RIMS1: variants seen among roughly 807,000 people sequenced by gnomAD.
The protein encoded by RIMS1 is regulating synaptic membrane exocytosis 1.
Under a neutral mutation model 214.1 loss-of-function variants are expected in RIMS1, and 83 were observed. The ratio of observed to expected loss-of-function variants is 0.39; its 90% CI spans 0.32 to 0.47. The LOEUF (loss-of-function observed/expected upper bound fraction) is 0.47. Among genes scored for constraint, RIMS1 ranks in the 20% least tolerant of loss-of-function variants. The pLI is 0.99. For synonymous variants in RIMS1, 793 were observed against 786.8 expected, an observed-to-expected ratio of 1.01 and a Z score of -0.13; for missense variants, 2,050 against 2,161.8, an observed-to-expected ratio of 0.95 and a Z score of 1.03.
chr6:72,187,098 C>G (rs1297758424), intron 6 of RIMS1, among the ~76,000 whole-genome samples: 18 of 151,696 alleles, frequency 1.2e-4, no homozygotes, highest in Admixed American at 1.2e-3. Flanking sequence ...TGCACTCCAG[C>G]CTGGGCGATA....
intron 4 of RIMS1, among the ~76,000 whole-genome samples, chr6:72,173,105 A>G (rs571206712): frequency 5.3e-5 from 8 of 152,280 alleles, no homozygotes; most frequent in South Asian, 2.1e-4. Context: ...GTTTACCTAT[A>G]TATAAAATTT....
intron 4 of RIMS1, among the ~76,000 whole-genome samples, chr6:72,128,060 CT>C (rs1460845149): frequency 6.6e-6 from 1 of 152,118 alleles, no homozygotes; most frequent in African/African-American, 2.4e-5. Flanking sequence ...TTCTCCTATC[CT>C]TATGACAAGA....
chr6:72,107,138 T>A (rs1474212679), intron 4 of RIMS1, among the ~76,000 whole-genome samples: 1 of 152,190 alleles, frequency 6.6e-6, no homozygotes, highest in Non-Finnish European at 1.5e-5. Context: ...CACTTCATCA[T>A]TATCACAGAT....
At chr6:72,296,617 C>T (rs1569720) in intron 26 of RIMS1, among the ~76,000 whole-genome samples, 1 of 151,630 alleles carries the variant, frequency 6.6e-6, no homozygotes, top group Non-Finnish European at 1.5e-5. Flanking sequence ...TTCAGAGTTG[C>T]TGTTGGCCTG....
intron 1 of RIMS1, among the ~76,000 whole-genome samples, chr6:71,902,686 G>T (rs745926063): frequency 6.6e-6 from 1 of 151,748 alleles, no homozygotes; most frequent in Non-Finnish European, 1.5e-5. Flanking sequence ...TCCCTCCCCT[G>T]CCCCCGACAG....
rs751790957 is a variant in RIMS1 at position 72,233,924 on chromosome 6, CTAT to C, written c.1746+89_1746+91del. ...CTTTGTCTGATATGTGATATCTGCT[CTAT>C]TATTCATTTGGTAAGGGCAAATATT... On this transcript the variant is annotated intron_variant, in intron 7 of 33. Coordinates refer to ENST00000521978, the MANE Select transcript of RIMS1 (RefSeq NM_014989.7). The C allele has an allele frequency of 1.1e-4, 98 of 862,744 alleles. 1 individual carries two copies. Among genetic ancestry groups the C allele is most frequent in the Non-Finnish European group, 1.7e-4 (89 of 532,088 alleles). The allele number at this position is 862,744 out of a possible 1,614,324, so 53.4% of individuals were successfully genotyped here.
chr6:71,978,406 T>C (rs1338990073), intron 2 of RIMS1, among the ~76,000 whole-genome samples: 2 of 152,126 alleles, frequency 1.3e-5, no homozygotes, highest in African/African-American at 2.4e-5. Context: ...TTTAAACTTA[T>C]TTAAAATTTT....
At chr6:72,114,429 C>A (rs2036678727) in intron 4 of RIMS1, among the ~76,000 whole-genome samples, 1 of 151,878 alleles carries the variant, frequency 6.6e-6, no homozygotes, top group African/African-American at 2.4e-5. Flanking sequence ...AGGGCACATA[C>A]CTCAGAGCTC....
At chr6:72,186,142 C>T (rs959034777) in intron 6 of RIMS1, among the ~76,000 whole-genome samples, 5 of 152,372 alleles carry the variant, frequency 3.3e-5, no homozygotes, top group South Asian at 2.1e-4. Context: ...TTAAGGTTTT[C>T]TGGAGTCAAA....
chr6:72,062,056 A>C (rs904584772), intron 2 of RIMS1, among the ~76,000 whole-genome samples: 1 of 152,258 alleles, frequency 6.6e-6, no homozygotes, highest in African/African-American at 2.4e-5. Context: ...GGACAGAGGA[A>C]TATAGCCTGC....
intron 1 of RIMS1, among the ~76,000 whole-genome samples, chr6:71,891,167 T>TA (rs1769742419): frequency 6.6e-6 from 1 of 152,150 alleles, no homozygotes; most frequent in African/African-American, 2.4e-5. Flanking sequence ...TAGAAGGTAA[T>TA]AAAAAGCATC....
At chr6:72,127,641 T>C (rs980371026) in intron 4 of RIMS1, among the ~76,000 whole-genome samples, 11 of 152,200 alleles carry the variant, frequency 7.2e-5, no homozygotes, top group Non-Finnish European at 5.9e-5. Flanking sequence ...TTCTGTGCCT[T>C]ACTTGAAGCA....
intron 2 of RIMS1, among the ~76,000 whole-genome samples, chr6:72,036,576 A>G (rs1819681482): frequency 6.6e-6 from 1 of 152,192 alleles, no homozygotes; most frequent in East Asian, 1.9e-4. Context: ...TGAGTCTAAA[A>G]TAAATCTAAT....
chr6:71,997,042 A>G (rs1273187565), intron 2 of RIMS1, among the ~76,000 whole-genome samples: 1 of 152,140 alleles, frequency 6.6e-6, no homozygotes, highest in Non-Finnish European at 1.5e-5. Context: ...TATTTTGATA[A>G]ATCTCTAAAG....
intron 6 of RIMS1, among the ~76,000 whole-genome samples, chr6:72,232,369 C>A (rs2062319120): frequency 6.6e-6 from 1 of 151,534 alleles, no homozygotes; most frequent in Admixed American, 6.6e-5. Context: ...AAAGAGAGAG[C>A]TACTTTAAGA....
intron 2 of RIMS1, among the ~76,000 whole-genome samples, chr6:72,064,934 G>A (rs1297306438): frequency 1.3e-5 from 2 of 152,142 alleles, no homozygotes; most frequent in African/African-American, 2.4e-5. Context: ...TGTAACAGGC[G>A]TGGTGTATAC....
At chr6:72,233,972 C>T in intron 7 of RIMS1, 132 bp downstream of exon 7, 2 of 548,360 alleles carry the variant, frequency 3.6e-6, no homozygotes, top group Non-Finnish European at 3.2e-6. Flanking sequence ...TAAGATAGTA[C>T]AATTTTGAAG....
rs991727280 is a variant in RIMS1 at position 72,179,652 on chromosome 6, C to T, written c.549C>T (p.Gly183=). The T allele has an allele frequency of 1.2e-6, 2 of 1,613,798 alleles. No individual in the cohort carries two copies. The highest frequency in any genetic ancestry group is 2.7e-5 in the African/African-American group (2 of 74,902). The change falls in exon 5 of 34, where the codon GGC becomes GGT. Residue 183 remains glycine, a synonymous_variant. Transcript: ENST00000521978. ...CTGGGGCATGGTTCTTTGGAAGTGG[C>T]CCTCAGCAGACAAGTCAGGATGGAA... The part of the protein sequence containing the change: ...TKSGAWFFGS[G]PQQTSQDGTL...
intron 1 of RIMS1, among the ~76,000 whole-genome samples, chr6:71,891,781 T>G (rs1200647968): frequency 2.6e-5 from 4 of 152,238 alleles, no homozygotes; most frequent in African/African-American, 7.2e-5. Flanking sequence ...GATGTGCTAC[T>G]GCTGACTTGA....
Sources: gnomAD v4.1 joint callset for allele counts (sites outside exome capture counted in the v4.1 genomes callset) on GRCh38, gnomAD v4.1.1 for gene constraint, MANE v1.5 for transcripts, NCBI Gene and HGNC (gene_info 2026-07-23, HGNC 2026-07-21) for gene names.